LRP1B: variants seen among roughly 807,000 people sequenced by gnomAD.
The protein encoded by LRP1B is LDL receptor related protein 1B, also known as low-density lipoprotein receptor-related protein 1B.
LRP1B carries 217 observed loss-of-function variants against 556.6 expected under a neutral mutation model. The ratio of observed to expected loss-of-function variants is 0.39; its 90% CI spans 0.35 to 0.44. The LOEUF (loss-of-function observed/expected upper bound fraction) is 0.44. Among genes scored for constraint, LRP1B ranks in the 20% least tolerant of loss-of-function variants. The probability of loss-of-function intolerance (pLI) is 1.00; values close to 1 mark genes in which losing one functional copy is unlikely to be tolerated. For missense variants in LRP1B, 5,053 were observed against 5,620.8 expected, an observed-to-expected ratio of 0.90 and a Z score of 3.23; for synonymous variants, 2,047 against 1,865.8, an observed-to-expected ratio of 1.10 and a Z score of -2.50.
chr2:141,291,201 T>C (rs1011191861), intron 3 of LRP1B, among the ~76,000 whole-genome samples: 4 of 152,292 alleles, frequency 2.6e-5, no homozygotes, highest in Middle Eastern at 3.4e-3. Flanking sequence ...TATTTCAGGA[T>C]TAATTTTATT....
At chr2:141,663,841 G>T (rs1382281834) in intron 2 of LRP1B, among the ~76,000 whole-genome samples, 1 of 149,216 alleles carries the variant, frequency 6.7e-6, no homozygotes, top group Non-Finnish European at 1.5e-5. Context: ...CATTTCATGG[G>T]TAAATAATGA....
At chr2:140,523,514 T>C (rs1464472236) in intron 49 of LRP1B, among the ~76,000 whole-genome samples, 2 of 151,202 alleles carry the variant, frequency 1.3e-5, no homozygotes, top group African/African-American at 4.9e-5. Context: ...CTTTTCAACA[T>C]AGTATAGGAA....
intron 7 of LRP1B, among the ~76,000 whole-genome samples, chr2:141,161,273 C>T (rs184826962): frequency 2.2e-4 from 34 of 152,152 alleles, no homozygotes; most frequent in African/African-American, 6.7e-4. Flanking sequence ...ATACAGAAGG[C>T]TCATTTTCCT....
chr2:141,252,311 A>G (rs399117), intron 4 of LRP1B, among the ~76,000 whole-genome samples: 58,851 of 151,882 alleles, frequency 0.39, 11,482 homozygotes, highest in South Asian at 0.51. Flanking sequence ...GAATATCCAA[A>G]CTAAGAAAAG....
intron 32 of LRP1B, among the ~76,000 whole-genome samples, chr2:140,791,905 T>C (rs989283416): frequency 6.6e-6 from 1 of 152,206 alleles, no homozygotes; most frequent in African/African-American, 2.4e-5. Context: ...AAGAATTCTT[T>C]GCCTTCCTTT....
chr2:141,726,733 A>C (rs1693052136), intron 2 of LRP1B, among the ~76,000 whole-genome samples: 1 of 152,120 alleles, frequency 6.6e-6, no homozygotes, highest in African/African-American at 2.4e-5. Flanking sequence ...TATTTCCCCC[A>C]GTGGAATAAC....
At chr2:142,039,789 A>G (rs1704003088) in intron 1 of LRP1B, among the ~76,000 whole-genome samples, 1 of 151,564 alleles carries the variant, frequency 6.6e-6, no homozygotes, top group Admixed American at 6.6e-5. Flanking sequence ...ATTGCTTTGT[A>G]TTATCTAGAA....
intron 3 of LRP1B, among the ~76,000 whole-genome samples, chr2:141,381,911 G>A (rs996931581): frequency 6.6e-6 from 1 of 151,706 alleles, no homozygotes; most frequent in African/African-American, 2.4e-5. Context: ...GTCTCTTTGT[G>A]GGATCCTCAG....
In LRP1B at chr2:141,978,511, C is replaced by A. The variant is rs551503868; in HGVS notation, c.82+152137G>T. On this transcript the variant is annotated intron_variant, in intron 1 of 90. Transcript: ENST00000389484. Reference sequence around the variant, plus strand: ...ATTTCTTCAAATAATAAAGAGATATCGATAATTTAAAAATTTTATATTGTC... The same window carrying A: ...ATTTCTTCAAATAATAAAGAGATATAGATAATTTAAAAATTTTATATTGTC... 9.9e-5 allele frequency among the ~76,000 whole-genome samples: 15 copies of A among 151,764 alleles called. No homozygotes were observed. The South Asian group carries it at 3.1e-3, about 32-fold the overall frequency.
At chr2:141,081,153 G>A (rs1217328235) in intron 7 of LRP1B, among the ~76,000 whole-genome samples, 4 of 152,072 alleles carry the variant, frequency 2.6e-5, no homozygotes, top group Non-Finnish European at 5.9e-5. Context: ...TTTGAATATC[G>A]TGTTGATGCT....
rs576852361 is a variant in LRP1B at position 140,775,023 on chromosome 2, T to C, written c.5500+1075A>G. On this transcript the variant is annotated intron_variant, in intron 33 of 90. Coordinates refer to ENST00000389484, the MANE Select transcript of LRP1B (RefSeq NM_018557.3). ...ATTCTCAACAATGAACGGAATGCAA[T>C]AAATACTTCAGATAAATGTTTAAAG... 2.6e-5 allele frequency among the ~76,000 whole-genome samples: 4 copies of C among 152,262 alleles called. No individual in the cohort carries two copies. In the East Asian group the frequency reaches 7.7e-4, roughly 29 times the overall value.
intron 15 of LRP1B, 100 bp from the exon 16 acceptor site, chr2:140,994,235 A>G (rs1390850639): frequency 1.8e-5 from 18 of 974,676 alleles, no homozygotes; most frequent in African/African-American, 3.3e-5. Context: ...TAGATTCTAC[A>G]TATCAGTGGG....
At chr2:140,253,954 A>G (rs1681564185) in intron 86 of LRP1B, among the ~76,000 whole-genome samples, 1 of 152,130 alleles carries the variant, frequency 6.6e-6, no homozygotes, top group Non-Finnish European at 1.5e-5. Flanking sequence ...AATTGGTTTA[A>G]AAATACAAAG....
At chr2:141,945,582 A>T (rs2105023134) in intron 1 of LRP1B, among the ~76,000 whole-genome samples, 1 of 151,858 alleles carries the variant, frequency 6.6e-6, no homozygotes, top group South Asian at 2.1e-4. Context: ...AAATTATTGA[A>T]ATTTATTGAT....
At chr2:141,196,075 G>A (rs575599403) in intron 6 of LRP1B, among the ~76,000 whole-genome samples, 1 of 152,048 alleles carries the variant, frequency 6.6e-6, no homozygotes, top group Non-Finnish European at 1.5e-5. Context: ...AGCAAAGATA[G>A]GCAGGGATAT....
chr2:140,765,829 T>C (rs1375193022), intron 35 of LRP1B, among the ~76,000 whole-genome samples: 2 of 152,166 alleles, frequency 1.3e-5, no homozygotes, highest in Non-Finnish European at 2.9e-5. Flanking sequence ...TAAATTATGA[T>C]ACTTGTACTT....
At chr2:141,864,072 A>C (rs1698331508) in intron 1 of LRP1B, among the ~76,000 whole-genome samples, 1 of 152,196 alleles carries the variant, frequency 6.6e-6, no homozygotes, top group Admixed American at 6.5e-5. Flanking sequence ...TGCTTTGGTT[A>C]AACAGCAACT....
intron 3 of LRP1B, among the ~76,000 whole-genome samples, chr2:141,404,756 T>C (rs1208231114): frequency 6.6e-6 from 1 of 152,206 alleles, no homozygotes; most frequent in Non-Finnish European, 1.5e-5. Context: ...GGGATTCTTA[T>C]GAGTCTTCTT....
intron 3 of LRP1B, among the ~76,000 whole-genome samples, chr2:141,354,173 C>T (rs1373085559): frequency 6.6e-6 from 1 of 151,830 alleles, no homozygotes; most frequent in Non-Finnish European, 1.5e-5. Context: ...AACAGTTTAC[C>T]TATATAACGA....
Sources: allele counts gnomAD v4.1 joint callset (sites outside exome capture counted in the v4.1 genomes callset), GRCh38; gene constraint gnomAD v4.1.1; transcripts MANE v1.5; gene names NCBI Gene and HGNC (gene_info 2026-07-23, HGNC 2026-07-21).